The following PPIP5K2 variants were observed in gnomAD, a reference collection of about 807,000 sequenced individuals.
The protein encoded by PPIP5K2 is inositol hexakisphosphate and diphosphoinositol-pentakisphosphate kinase 2.
In PPIP5K2, 105 loss-of-function variants were observed where a neutral mutation model predicts 154.6. That is an observed-to-expected ratio of 0.68 (90% confidence interval 0.58 to 0.80). The LOEUF is 0.80. PPIP5K2 is among the 30% of genes least tolerant of loss of function. PPIP5K2 has a pLI of 0.00. For synonymous variants in PPIP5K2, 480 were observed against 490.3 expected (o/e 0.98, Z 0.28); for missense variants, 992 against 1,504.6 (o/e 0.66, Z 5.64).
At chr5:103,179,762 G>A (rs1483322683) in intron 23 of PPIP5K2, among the ~76,000 whole-genome samples, 1 of 152,010 alleles carries the variant, frequency 6.6e-6, no homozygotes, top group Non-Finnish European at 1.5e-5. Flanking sequence ...TTTGTCTTAT[G>A]TGGTTTTTTA....
Position 103,138,403 on chromosome 5 carries a change from C to A in PPIP5K2, c.421C>A (p.Leu141Ile). 1 of 1,597,384 alleles carries A rather than the reference C, an allele frequency of 6.3e-7. No individual in the cohort carries two copies. The highest frequency in any genetic ancestry group is 8.6e-7 in the Non-Finnish European group (1 of 1,166,440). ...CTTCAGGAGAGAAGTATATAGTATT[C>A]TTCAAGCTGAAGGTATTTTACTTCC... is the stretch of plus-strand genomic sequence containing the variant. ...IQDRREVYSILQAEGILLPRY... is the reference protein window; with the variant it reads ...IQDRREVYSIIQAEGILLPRY... The change falls in exon 5 of 31, where the codon CTT becomes ATT. Residue 141 changes from leucine (L) to isoleucine (I), a missense_variant. Around this residue, in one of 9 missense-constraint regions of PPIP5K2, gnomAD observed 153 missense variants for 200.4 expected, o/e 0.76. Coordinates refer to ENST00000358359, the MANE Select transcript of PPIP5K2 (RefSeq NM_001276277.3).
intron 13 of PPIP5K2, among the ~76,000 whole-genome samples, chr5:103,155,288 C>CCAATA (rs1293193390): frequency 5.3e-5 from 8 of 151,644 alleles, no homozygotes; most frequent in Non-Finnish European, 1.0e-4. Context: ...TGGATACCCA[C>CCAATA]CAATATTCCT....
At chr5:103,148,705 T>C (rs1554210125) in intron 7 of PPIP5K2, among the ~76,000 whole-genome samples, 1 of 152,168 alleles carries the variant, frequency 6.6e-6, no homozygotes, top group Admixed American at 6.5e-5. Flanking sequence ...GATACCTGAA[T>C]ACATCATGCT....
chr5:103,194,896 TC>T lies in PPIP5K2; in HGVS notation c.3494-3del. ...AATTAACATGTTTGTTTATTTTTTT[TC>T]AGCCTCTACAGCTTTACGTTCCAGT... On this transcript the variant is annotated splice_region_variant and splice_polypyrimidine_tract_variant and intron_variant, in intron 29 of 30. Transcript: ENST00000358359. 6.2e-7 allele frequency: 1 copy of T among 1,602,554 alleles called. No homozygotes were observed. The highest frequency in any genetic ancestry group is 8.5e-7 in the Non-Finnish European group (1 of 1,176,052).
At chr5:103,173,358 G>A (rs1233670953) in intron 20 of PPIP5K2, 76 bp downstream of exon 20, 1 of 1,476,000 alleles carries the variant, frequency 6.8e-7, no homozygotes, top group Non-Finnish European at 9.2e-7. Context: ...ATACTTTGAT[G>A]GTCCTATGAA....
chr5:103,163,053 C>A (rs1323834729), intron 17 of PPIP5K2, among the ~76,000 whole-genome samples: 1 of 14,366 alleles, frequency 7.0e-5, no homozygotes, highest in African/African-American at 2.9e-4. Flanking sequence ...TGAATAATAC[C>A]TCCCAACACC....
At chr5:103,182,595 A>T (rs1799715424) in intron 24 of PPIP5K2, among the ~76,000 whole-genome samples, 1 of 152,210 alleles carries the variant, frequency 6.6e-6, no homozygotes, top group Non-Finnish European at 1.5e-5. Context: ...GCAAACATGT[A>T]AAATGAGAAT....
At chr5:103,164,423 C>A (rs1191574102) in intron 17 of PPIP5K2, among the ~76,000 whole-genome samples, 2 of 151,858 alleles carry the variant, frequency 1.3e-5, no homozygotes, top group Non-Finnish European at 2.9e-5. Context: ...TTTTCTGATT[C>A]TCGAAATTAA....
chr5:103,187,185 C>A, intron 27 of PPIP5K2, 129 bp from the exon 28 acceptor site: 1 of 600,482 alleles, frequency 1.7e-6, no homozygotes, highest in Non-Finnish European at 2.9e-6. Context: ...TACCTTATTA[C>A]ATTCTCTCAT....
intron 1 of PPIP5K2, among the ~76,000 whole-genome samples, chr5:103,125,040 T>C (rs1375582544): frequency 6.6e-6 from 1 of 152,214 alleles, no homozygotes; most frequent in Non-Finnish European, 1.5e-5. Context: ...GGAGTATCTA[T>C]TGGATACTTG....
At chr5:103,155,038 A>C (rs1406844734) in intron 13 of PPIP5K2, 95 bp downstream of exon 13, 22 of 661,468 alleles carry the variant, frequency 3.3e-5, no homozygotes, top group Non-Finnish European at 4.4e-5. Context: ...TCACAGTCTG[A>C]TCTTTTTACT....
In PPIP5K2 at chr5:103,180,047, T is replaced by G. The variant is rs1799272767; in HGVS notation, c.2781T>G (p.Ile927Met). The G allele has an allele frequency of 6.5e-7, 1 of 1,548,856 alleles. No individual in the cohort carries two copies. Among genetic ancestry groups the G allele is most frequent in the Non-Finnish European group, 8.7e-7 (1 of 1,150,602 alleles). ...RENEGRRPFK[I>M]DNDDEPHTSK... ...ATGAAGGCAGGAGACCTTTTAAAAT[T>G]GATAATGATGATGAACCACATACTT... The change falls in exon 24 of 31, where the codon ATT becomes ATG. Residue 927 changes from isoleucine to methionine, a missense_variant. Ile to Met is a conservative substitution (Grantham distance 10, BLOSUM62 1). Coordinates refer to ENST00000358359, the MANE Select transcript of PPIP5K2 (RefSeq NM_001276277.3).
intron 29 of PPIP5K2, 42 bp downstream of exon 29, chr5:103,191,024 C>T: frequency 6.4e-7 from 1 of 1,562,692 alleles, no homozygotes; most frequent in East Asian, 2.2e-5. Context: ...AGTTGCTGGG[C>T]AACTACATAC....
At chr5:103,186,885 A>T (rs1800474099) in intron 27 of PPIP5K2, among the ~76,000 whole-genome samples, 4 of 152,180 alleles carry the variant, frequency 2.6e-5, no homozygotes, top group Admixed American at 2.6e-4. Flanking sequence ...ATATTTTAGG[A>T]TCACTAGCTG....
intron 1 of PPIP5K2, among the ~76,000 whole-genome samples, chr5:103,123,914 G>A (rs782314475): frequency 5.3e-5 from 8 of 152,122 alleles, no homozygotes; most frequent in Non-Finnish European, 7.4e-5. Context: ...ACTGTACTTC[G>A]TTCAAGTATC....
chr5:103,189,241 C>T (rs1800850596), intron 28 of PPIP5K2: 4 of 1,500,554 alleles, frequency 2.7e-6, no homozygotes, highest in Non-Finnish European at 3.6e-6. Context: ...GTTTTTATAG[C>T]TTCTAAACAT....
At chr5:103,139,392 C>T (rs754923802) in intron 5 of PPIP5K2, among the ~76,000 whole-genome samples, 15 of 152,124 alleles carry the variant, frequency 9.9e-5, no homozygotes, top group Non-Finnish European at 2.1e-4. Context: ...TTCATAAGAA[C>T]CAAAAAATTA....
At chr5:103,188,635 A>G (rs1554225897) in intron 28 of PPIP5K2, 1 of 152,218 alleles carries the variant, frequency 6.6e-6, no homozygotes. Flanking sequence ...CTCTTAGAAG[A>G]AACACAGAAG....
At chr5:103,179,658 C>G (rs1799209325) in intron 23 of PPIP5K2, among the ~76,000 whole-genome samples, 2 of 152,064 alleles carry the variant, frequency 1.3e-5, no homozygotes, top group Non-Finnish European at 2.9e-5. Context: ...GTTGATGAGA[C>G]TCCTATATAA....
Sources: gnomAD v4.1 joint callset for allele counts (sites outside exome capture counted in the v4.1 genomes callset) on GRCh38, gnomAD v4.1.1 for gene constraint, gnomAD v4.1.1 regional missense constraint, MANE v1.5 for transcripts, NCBI Gene and HGNC (gene_info 2026-07-23, HGNC 2026-07-21) for gene names.